The following COG4 variants were observed in gnomAD, a reference collection of about 807,000 sequenced individuals.
COG4 encodes component of oligomeric golgi complex 4.
Under a neutral mutation model 95.1 loss-of-function variants are expected in COG4, and 65 were observed. That is an observed-to-expected ratio of 0.68 (90% CI 0.56 to 0.84). The LOEUF is 0.84. Among genes scored for constraint, COG4 ranks in the 40% least tolerant of loss-of-function variants. The probability of loss-of-function intolerance (pLI) is 0.00; values close to 1 mark genes in which losing one functional copy is unlikely to be tolerated. For missense variants in COG4, 1,045 were observed against 989.1 expected (o/e 1.06, Z -0.76); for synonymous variants, 421 against 374.8 (o/e 1.12, Z -1.42).
At chr16:70,509,868 G>A in intron 6 of COG4, 48 bp downstream of exon 6, 2 of 1,367,856 alleles carry the variant, frequency 1.5e-6, no homozygotes, top group Non-Finnish European at 2.1e-6. Context: ...TAGGATGCAG[G>A]TGTCATATAC....
At chr16:70,508,313 A>C in intron 8 of COG4, 93 bp downstream of exon 8, 1 of 1,057,640 alleles carries the variant, frequency 9.5e-7, no homozygotes, top group Admixed American at 1.7e-5. Flanking sequence ...TATTTTAAAA[A>C]CATAGACCAC....
intron 12 of COG4, among the ~76,000 whole-genome samples, chr16:70,495,197 C>A (rs947792968): frequency 1.3e-5 from 2 of 150,852 alleles, no homozygotes; most frequent in African/African-American, 4.9e-5. Flanking sequence ...TCGAGACCAG[C>A]CTGGCCAACA....
Position 70,496,446 on chromosome 16 carries a change from T to C in COG4, c.1482-15A>G. The C allele has an allele frequency of 6.2e-7, 1 of 1,613,990 alleles. No homozygotes were observed. Among genetic ancestry groups the C allele is most frequent in the Non-Finnish European group, 8.5e-7 (1 of 1,179,950 alleles). ...ACAGAACATCCCTGGGGGGCAGGAT[T>C]GCATAGAGGAATTGACAGTGCTCAA... On this transcript the variant is annotated splice_polypyrimidine_tract_variant and intron_variant, in intron 11 of 18. Coordinates refer to ENST00000323786, the MANE Select transcript of COG4 (RefSeq NM_015386.3).
Position 70,507,019 on chromosome 16 carries a change from C to A in COG4, c.1061+1387G>T, listed in dbSNP as rs909997373. The stretch of plus-strand genomic sequence containing the variant: ...ATCACTTGAGCCCAGGAGTTCGAGA[C>A]CAGCCTAGGCAACATGGCAAAACCT... On this transcript the variant is annotated intron_variant, in intron 8 of 18. Transcript: ENST00000323786. Among the ~76,000 whole-genome samples, 15 of 152,126 alleles carry A rather than the reference C, an allele frequency of 9.9e-5. No homozygotes were observed. The Middle Eastern group carries it at 0.01, about 103-fold the overall frequency.
At chr16:70,481,731 G>T (rs201623183) in intron 17 of COG4, 33 bp downstream of exon 17, 1 of 1,573,698 alleles carries the variant, frequency 6.4e-7, no homozygotes, top group South Asian at 1.1e-5. Context: ...GAGGAGAAAC[G>T]AGAGCCGCAG....
chr16:70,515,475 G>C (rs2049802265), intron 3 of COG4, among the ~76,000 whole-genome samples: 1 of 152,110 alleles, frequency 6.6e-6, no homozygotes, highest in Admixed American at 6.5e-5. Context: ...CACGAGGTCA[G>C]GAGTTTGAGA....
chr16:70,521,113 T>C (rs2049932926), intron 1 of COG4, among the ~76,000 whole-genome samples: 1 of 152,040 alleles, frequency 6.6e-6, no homozygotes, highest in Non-Finnish European at 1.5e-5. Context: ...CCCAACTATC[T>C]GCTATTGCCC....
At position 70,523,436 on chromosome 16, in the gene COG4, G is replaced by T. The variant is rs749672589; in HGVS notation, c.108C>A (p.Leu36=). The part of the protein sequence containing the change: ...GGRCSEISAE[L]IRSLTELQEL... ...CCTGCAGCTCTGTCAGGGAGCGAAT[G>T]AGCTCAGCGGAGATTTCGGAGCAGC... The change falls in exon 1 of 19, where the codon CTC becomes CTA. Residue 36 remains leucine, a synonymous_variant. Transcript: ENST00000323786. 3.1e-6 allele frequency: 5 copies of T among 1,613,958 alleles called. No individual in the cohort carries two copies. The African/African-American group carries it at 6.7e-5, about 22-fold the overall frequency.
chr16:70,497,301 C>T lies in COG4; in HGVS notation c.1401G>A (p.Gly467=). 6.2e-7 allele frequency: 1 copy of T among 1,614,136 alleles called. No individual in the cohort carries two copies. The highest frequency in any genetic ancestry group is 8.5e-7 in the Non-Finnish European group (1 of 1,180,028). Residue 467 remains glycine (G), a synonymous_variant, in exon 11 of 19, where the codon GGG becomes GGA. Coordinates refer to ENST00000323786, the MANE Select transcript of COG4 (RefSeq NM_015386.3). ...DVFYIVKKCI[G]RALSSSSIDC... is the part of the protein sequence containing the mutation. ...CAATGCTGGAGCTGGACAGAGCCCG[C>T]CCAATGCACTTCTTAACAATGTAGA...
chr16:70,495,501 G>A (rs749787466), intron 12 of COG4, among the ~76,000 whole-genome samples: 1 of 151,996 alleles, frequency 6.6e-6, no homozygotes, highest in East Asian at 1.9e-4. Flanking sequence ...GGCTACAGAT[G>A]CTACTAGATG....
chr16:70,518,094 A>C (rs553877976), intron 2 of COG4, among the ~76,000 whole-genome samples: 153 of 150,242 alleles, frequency 1.0e-3, no homozygotes, highest in Non-Finnish European at 1.8e-3. Flanking sequence ...CCAAGCCCAG[A>C]TAATTTTTGT....
chr16:70,509,931 T>G lies in COG4; in HGVS notation c.829A>C (p.Thr277Pro). ...RAAVIFADTL[T>P]LLFEGIARIV... ...AGAGGCTCACCTTCAAACAGAAGAGTAAGTGTATCTGCAAAGATGACTGCA... is the reference window on the plus strand; with the variant it reads ...AGAGGCTCACCTTCAAACAGAAGAGGAAGTGTATCTGCAAAGATGACTGCA... The change falls in exon 6 of 19, where the codon ACT (threonine) becomes CCT (proline). Residue 277 changes from threonine to proline, a missense_variant. By Grantham distance (38) the Thr-to-Pro change is conservative. Transcript: ENST00000323786. 1 of 1,613,326 alleles carries G rather than the reference T, an allele frequency of 6.2e-7. No homozygotes were observed.
intron 13 of COG4, among the ~76,000 whole-genome samples, chr16:70,488,706 C>T (rs983997973): frequency 2.6e-5 from 4 of 152,142 alleles, no homozygotes; most frequent in African/African-American, 9.7e-5. Context: ...TGCCACCACA[C>T]CCAGCTAATT....
At chr16:70,509,812 C>T (rs1597682983) in intron 6 of COG4, 104 bp downstream of exon 6, 4 of 826,172 alleles carry the variant, frequency 4.8e-6, no homozygotes, top group South Asian at 1.4e-5. Flanking sequence ...CAATAAACTA[C>T]ATGATTAAAT....
At position 70,480,652 on chromosome 16, in the gene COG4, T is replaced by G. The variant is rs2048969173; in HGVS notation, c.*358A>C. On this transcript the variant is annotated 3_prime_UTR_variant, in exon 19 of 19. Coordinates refer to ENST00000323786, the MANE Select transcript of COG4 (RefSeq NM_015386.3). ...CAAGCCTAACTGCTAGGTCCCCAGA[T>G]GTACCCAAGTTGTCTAGGACTGGCA... The G allele has an allele frequency of 3.1e-6, 1 of 321,034 alleles. No individual in the cohort carries two copies. The highest frequency in any genetic ancestry group is 5.9e-6 in the Non-Finnish European group (1 of 168,294). 19.9% of individuals were successfully genotyped at this position (321,034 alleles called of 1,614,324 possible). A position where few individuals can be genotyped will look rare whatever the true frequency, so the allele number is the denominator to read the frequency against.
At chr16:70,506,414 A>C (rs1343154069) in intron 8 of COG4, among the ~76,000 whole-genome samples, 1 of 150,422 alleles carries the variant, frequency 6.6e-6, no homozygotes, top group African/African-American at 2.5e-5. Flanking sequence ...ATTAAAAAAA[A>C]CCTCATCTTT....
intron 9 of COG4, among the ~76,000 whole-genome samples, chr16:70,500,097 G>C (rs1174472439): frequency 1.3e-5 from 2 of 151,858 alleles, no homozygotes; most frequent in African/African-American, 4.8e-5. Flanking sequence ...GCCTCCCAAA[G>C]TTTTGGGATT....
At chr16:70,501,283 G>A in intron 8 of COG4, 192 bp from the exon 9 acceptor site, 1 of 619,916 alleles carries the variant, frequency 1.6e-6, no homozygotes, top group Admixed American at 2.7e-5. Flanking sequence ...CCATTTACCT[G>A]CTTCACCTAA....
intron 1 of COG4, among the ~76,000 whole-genome samples, chr16:70,520,510 T>C (rs2049919198): frequency 6.6e-6 from 1 of 151,146 alleles, no homozygotes; most frequent in African/African-American, 2.4e-5. Flanking sequence ...CGGGGGCCTG[T>C]AATCCCAGCT....
Sources: allele counts gnomAD v4.1 joint callset (sites outside exome capture counted in the v4.1 genomes callset), GRCh38; gene constraint gnomAD v4.1.1; transcripts MANE v1.5; gene names NCBI Gene and HGNC (gene_info 2026-07-23, HGNC 2026-07-21).